RALYL: variants seen among roughly 807,000 people sequenced by gnomAD.
RALYL encodes RNA-binding Raly-like protein.
In RALYL, 29 loss-of-function variants were observed where a neutral mutation model predicts 35.1. The ratio of observed to expected loss-of-function variants is 0.83; its 90% CI spans 0.61 to 1.13. The LOEUF is 1.13. Among genes scored for constraint, RALYL ranks in the 50% most tolerant of loss-of-function variants. RALYL has a pLI of 0.00. For missense variants in RALYL, 359 were observed against 360.4 expected (o/e 1.00, Z 0.03); for synonymous variants, 120 against 127.6 (o/e 0.94, Z 0.40).
intron 1 of RALYL, among the ~76,000 whole-genome samples, chr8:84,311,090 A>AAAAAAAAATATAT (rs1554614840): frequency 1.8e-4 from 18 of 99,768 alleles, no homozygotes; most frequent in African/African-American, 5.7e-4. Flanking sequence ...AAAAAAAAAA[A>AAAAAAAAATATAT]ATGTATATTA....
intron 2 of RALYL, among the ~76,000 whole-genome samples, chr8:84,556,510 T>A (rs1410280687): frequency 6.6e-6 from 1 of 151,890 alleles, no homozygotes; most frequent in Non-Finnish European, 1.5e-5. Flanking sequence ...CAAAAAAAAA[T>A]AAAATAAAAC....
intron 1 of RALYL, among the ~76,000 whole-genome samples, chr8:84,299,451 T>C (rs1018818389): frequency 2.6e-5 from 4 of 151,746 alleles, no homozygotes; most frequent in African/African-American, 9.7e-5. Flanking sequence ...TGTCTCTGCT[T>C]GTTTCGGTAT....
In RALYL at chr8:84,357,061, G is replaced by A. The variant is rs551330236; in HGVS notation, c.-23-172238G>A. Among the ~76,000 whole-genome samples, 34 of 152,150 alleles carry A rather than the reference G, an allele frequency of 2.2e-4. No homozygotes were observed. The South Asian group carries it at 6.6e-3, about 30-fold the overall frequency. Reference sequence around the variant, plus strand: ...CAACTCTTGGTAACATTCCGATTAAGACAATGTATAATGTTTCCTGATTAA... The same window carrying A: ...CAACTCTTGGTAACATTCCGATTAAAACAATGTATAATGTTTCCTGATTAA... On this transcript the variant is annotated intron_variant, in intron 1 of 8. Transcript: ENST00000521268.
chr8:84,522,460 G>A (rs867046040), intron 1 of RALYL, among the ~76,000 whole-genome samples: 5 of 151,410 alleles, frequency 3.3e-5, no homozygotes, highest in African/African-American at 4.9e-5. Context: ...CGTTTTAGCC[G>A]GGATAGTCTC....
At chr8:84,588,798 T>A (rs981205328) in intron 2 of RALYL, among the ~76,000 whole-genome samples, 2 of 152,170 alleles carry the variant, frequency 1.3e-5, no homozygotes, top group Non-Finnish European at 2.9e-5. Context: ...GTTAACTGAA[T>A]GTAAATGCGA....
At chr8:84,621,972 T>A (rs145943430) in intron 2 of RALYL, among the ~76,000 whole-genome samples, 4 of 152,368 alleles carry the variant, frequency 2.6e-5, no homozygotes, top group African/African-American at 9.6e-5. Context: ...CAAGGTGACA[T>A]CTGCATAATT....
chr8:84,407,035 TAC>T (rs1413859478), intron 1 of RALYL, among the ~76,000 whole-genome samples: 7 of 141,686 alleles, frequency 4.9e-5, no homozygotes, highest in East Asian at 2.0e-4. Flanking sequence ...TATATATATA[TAC>T]ACACACACAC....
At chr8:84,913,019 GATGGATGGATGGA>G (rs1847769256) in intron 8 of RALYL, among the ~76,000 whole-genome samples, 3 of 136,582 alleles carry the variant, frequency 2.2e-5, no homozygotes, top group Admixed American at 7.8e-5. Flanking sequence ...TGGATGGATG[GATGGATGGATGGA>G]TAGGTAGGTA....
chr8:84,747,166 G>T (rs1248554304), intron 2 of RALYL, among the ~76,000 whole-genome samples: 3 of 151,768 alleles, frequency 2.0e-5, no homozygotes, highest in Admixed American at 2.0e-4. Flanking sequence ...ATTGTTAGGA[G>T]TATGTTTAAA....
At chr8:84,847,813 A>G (rs1186255566) in intron 4 of RALYL, among the ~76,000 whole-genome samples, 1 of 152,142 alleles carries the variant, frequency 6.6e-6, no homozygotes, top group African/African-American at 2.4e-5. Flanking sequence ...GCTCAAATGG[A>G]GTAAGTTCTT....
intron 4 of RALYL, among the ~76,000 whole-genome samples, chr8:84,807,591 A>G (rs1824951385): frequency 6.6e-6 from 1 of 152,144 alleles, no homozygotes; most frequent in African/African-American, 2.4e-5. Flanking sequence ...GAATCTTTAC[A>G]CTGTTTTCTA....
chr8:84,695,802 A>G (rs979517835), intron 2 of RALYL, among the ~76,000 whole-genome samples: 2 of 151,890 alleles, frequency 1.3e-5, no homozygotes, highest in African/African-American at 4.8e-5. Flanking sequence ...CCAATTATGT[A>G]TCATCATGCT....
At chr8:84,251,882 G>C (rs761861769) in intron 1 of RALYL, among the ~76,000 whole-genome samples, 1 of 151,546 alleles carries the variant, frequency 6.6e-6, no homozygotes, top group Non-Finnish European at 1.5e-5. Flanking sequence ...GGAAGTTTTA[G>C]AAAGATTTAT....
At chr8:84,442,629 G>A (rs1404691997) in intron 1 of RALYL, among the ~76,000 whole-genome samples, 6 of 152,136 alleles carry the variant, frequency 3.9e-5, no homozygotes, top group Admixed American at 6.6e-5. Context: ...GCATTGAAGG[G>A]TGGGTAGGAA....
chr8:84,749,163 G>A (rs1409794327), intron 2 of RALYL, among the ~76,000 whole-genome samples: 2 of 152,218 alleles, frequency 1.3e-5, no homozygotes, highest in Non-Finnish European at 2.9e-5. Flanking sequence ...GGAATCCTTT[G>A]ATGATAGATA....
chr8:84,343,205 T>G (rs2130922900), intron 1 of RALYL, among the ~76,000 whole-genome samples: 1 of 152,278 alleles, frequency 6.6e-6, no homozygotes, highest in Non-Finnish European at 1.5e-5. Context: ...AATAGGTTTA[T>G]ACTATTAATG....
chr8:84,572,626 T>G (rs1280170759), intron 2 of RALYL, among the ~76,000 whole-genome samples: 1 of 151,862 alleles, frequency 6.6e-6, no homozygotes, highest in Non-Finnish European at 1.5e-5. Flanking sequence ...CTATTTACAA[T>G]AACAAATAGA....
At chr8:84,470,116 G>T (rs2052507248) in intron 1 of RALYL, among the ~76,000 whole-genome samples, 1 of 152,178 alleles carries the variant, frequency 6.6e-6, no homozygotes, top group African/African-American at 2.4e-5. Context: ...CGCTCACGCT[G>T]GGAGCTGTAG....
chr8:84,257,193 CA>C (rs1382296447), intron 1 of RALYL, among the ~76,000 whole-genome samples: 1 of 151,618 alleles, frequency 6.6e-6, no homozygotes, highest in African/African-American at 2.4e-5. Context: ...TTTTTTACAA[CA>C]AAAATTATTC....
Sources: gnomAD v4.1 joint callset for allele counts (sites outside exome capture counted in the v4.1 genomes callset) on GRCh38, gnomAD v4.1.1 for gene constraint, MANE v1.5 for transcripts, NCBI Gene and HGNC (gene_info 2026-07-23, HGNC 2026-07-21) for gene names.